The following JMJD1C variants were observed in gnomAD, a reference collection of about 807,000 sequenced individuals.
The protein encoded by JMJD1C is jumonji domain containing 1C.
In JMJD1C, 31 loss-of-function variants were observed where a neutral mutation model predicts 245.3. The observed-to-expected ratio is 0.13, with a 90% confidence interval of 0.09 to 0.17. The LOEUF (loss-of-function observed/expected upper bound fraction) is 0.17. Ranked by LOEUF, JMJD1C falls within the 10% of genes least tolerant of loss-of-function variation. JMJD1C has a pLI of 1.00. For missense variants in JMJD1C, 2,691 were observed against 3,000.2 expected, an observed-to-expected ratio of 0.90 and a Z score of 2.41; for synonymous variants, 1,057 against 1,017.4, an observed-to-expected ratio of 1.04 and a Z score of -0.74.
intron 2 of JMJD1C, among the ~76,000 whole-genome samples, chr10:63,361,728 A>T (rs199573748): frequency 4.4e-5 from 2 of 45,700 alleles, no homozygotes; most frequent in Admixed American, 1.6e-4. Context: ...CTAAAAAAAA[A>T]AAAAAAAAAA....
At chr10:63,201,214 C>T (rs1471476636) in intron 10 of JMJD1C, among the ~76,000 whole-genome samples, 2 of 152,044 alleles carry the variant, frequency 1.3e-5, no homozygotes, top group African/African-American at 4.8e-5. Flanking sequence ...TTTTATAAAA[C>T]CTGTATTTGG....
At chr10:63,322,887 G>A (rs1941070452) in intron 2 of JMJD1C, among the ~76,000 whole-genome samples, 1 of 146,970 alleles carries the variant, frequency 6.8e-6, no homozygotes, top group African/African-American at 2.5e-5. Context: ...TATATCAAAT[G>A]TTAATATTAA....
At chr10:63,333,355 G>C (rs1942364849) in intron 2 of JMJD1C, among the ~76,000 whole-genome samples, 1 of 152,094 alleles carries the variant, frequency 6.6e-6, no homozygotes, top group Non-Finnish European at 1.5e-5. Flanking sequence ...AGGAGTTGGA[G>C]AACAGCTCAG....
chr10:63,408,248 A>T (rs1371289782), intron 1 of JMJD1C, among the ~76,000 whole-genome samples: 1 of 151,984 alleles, frequency 6.6e-6, no homozygotes, highest in Non-Finnish European at 1.5e-5. Context: ...CTAAAAATAC[A>T]AAAAATTAGC....
intron 1 of JMJD1C, among the ~76,000 whole-genome samples, chr10:63,482,746 ATC>A (rs756091522): frequency 3.1e-4 from 47 of 152,140 alleles, no homozygotes; most frequent in Admixed American, 2.8e-3. Flanking sequence ...AAATCACTTG[ATC>A]TCTCTGTGCT....
chr10:63,433,586 CTTTTT>C (rs539696706), intron 1 of JMJD1C, among the ~76,000 whole-genome samples: 2,967 of 86,820 alleles, frequency 0.034, 88 homozygotes, highest in African/African-American at 0.086. Context: ...CTTTTCTTTT[CTTTTT>C]TTTTTTTTTT....
At chr10:63,507,287 T>C (rs1954747385) in intron 1 of JMJD1C, among the ~76,000 whole-genome samples, 1 of 152,152 alleles carries the variant, frequency 6.6e-6, no homozygotes, top group South Asian at 2.1e-4. Flanking sequence ...AGAAGCATGA[T>C]TGCTGGGTTA....
intron 2 of JMJD1C, among the ~76,000 whole-genome samples, chr10:63,267,554 C>G (rs576461793): frequency 6.6e-6 from 1 of 152,030 alleles, no homozygotes; most frequent in Non-Finnish European, 1.5e-5. Context: ...ATATATCATT[C>G]TATGAGTAAC....
At chr10:63,315,099 G>A (rs1939793248) in intron 2 of JMJD1C, among the ~76,000 whole-genome samples, 1 of 152,056 alleles carries the variant, frequency 6.6e-6, no homozygotes, top group Non-Finnish European at 1.5e-5. Context: ...GATTACAGGT[G>A]CGTGCCACCA....
chr10:63,497,603 C>T (rs34044188), intron 1 of JMJD1C, among the ~76,000 whole-genome samples: 4,003 of 152,266 alleles, frequency 0.026, 70 homozygotes, highest in Non-Finnish European at 0.044. Context: ...AAAAACCATA[C>T]AACTGTGTAC....
At chr10:63,265,982 G>A (rs910410371) in intron 2 of JMJD1C, among the ~76,000 whole-genome samples, 1 of 152,010 alleles carries the variant, frequency 6.6e-6, no homozygotes, top group African/African-American at 2.4e-5. Flanking sequence ...GGCTTTTAAG[G>A]AGTTAATTTC....
chr10:63,357,822 G>GAC (rs1344672220), intron 2 of JMJD1C, among the ~76,000 whole-genome samples: 159 of 70,786 alleles, frequency 2.2e-3, no homozygotes, highest in African/African-American at 6.9e-3. Flanking sequence ...GACACAGACA[G>GAC]ACAGACACAC....
chr10:63,307,354 A>G (rs1190184891), intron 2 of JMJD1C, among the ~76,000 whole-genome samples: 2 of 152,228 alleles, frequency 1.3e-5, no homozygotes, highest in Non-Finnish European at 2.9e-5. Context: ...ATTAAAAATA[A>G]GGCGGACAAT....
intron 1 of JMJD1C, among the ~76,000 whole-genome samples, chr10:63,425,598 A>G (rs1207124072): frequency 6.6e-6 from 1 of 152,050 alleles, no homozygotes; most frequent in Non-Finnish European, 1.5e-5. Flanking sequence ...GGTGGGTAAC[A>G]TGGCGAGATC....
Position 63,207,322 on chromosome 10 carries a change from C to G in JMJD1C, c.4347G>C (p.Lys1449Asn). ...ATGTAACTGGTGCTGTGGTGCTGAC[C>G]TTGCATTCTTGTTTTTGAGCCACTG... is the stretch of plus-strand genomic sequence containing the variant. ...SQPVAQKQEC[K>N]VSTTAPVTLA... The change falls in exon 10 of 26, where the codon AAG becomes AAC. Residue 1449 changes from lysine to asparagine, a missense_variant. Coordinates refer to ENST00000399262, the MANE Select transcript of JMJD1C (RefSeq NM_032776.3). 2 of 1,613,522 alleles carry G rather than the reference C, an allele frequency of 1.2e-6. No homozygotes were observed. The highest frequency in any genetic ancestry group is 1.7e-6 in the Non-Finnish European group (2 of 1,180,000).
chr10:63,260,744 C>T (rs1344451743), intron 3 of JMJD1C, among the ~76,000 whole-genome samples: 1 of 36,952 alleles, frequency 2.7e-5, no homozygotes, highest in Non-Finnish European at 5.6e-5. Context: ...CGCCCGCCAC[C>T]ACGCCGGTTA....
At chr10:63,390,176 AAT>A (rs1442704394) in intron 1 of JMJD1C, among the ~76,000 whole-genome samples, 3 of 152,168 alleles carry the variant, frequency 2.0e-5, no homozygotes, top group African/African-American at 7.2e-5. Context: ...AAATAAACAA[AAT>A]CAGAAACGAA....
intron 3 of JMJD1C, among the ~76,000 whole-genome samples, chr10:63,224,427 C>T (rs1221782196): frequency 6.6e-6 from 1 of 152,164 alleles, no homozygotes; most frequent in Non-Finnish European, 1.5e-5. Context: ...AATGCACTGC[C>T]TGATTTATGA....
chr10:63,445,915 A>T lies in JMJD1C; in HGVS notation c.168+19580T>A, dbSNP rs186151515. Among the ~76,000 whole-genome samples the T allele has an allele frequency of 3.9e-3, 445 of 114,302 alleles. 2 individuals carry two copies. The highest frequency in any genetic ancestry group is 0.015 in the African/African-American group (432 of 29,080). The allele number at this position is 114,302 out of a possible 152,430, so 75.0% of individuals were successfully genotyped here. On this transcript the variant is annotated intron_variant, in intron 1 of 25. Coordinates refer to ENST00000399262, the MANE Select transcript of JMJD1C (RefSeq NM_032776.3). ...TTCCAGACAGAGTCTCACTCTGGTTACCTAGGCTGGAGTGCAGTGGTGTGA... is the reference window on the plus strand; with the variant it reads ...TTCCAGACAGAGTCTCACTCTGGTTTCCTAGGCTGGAGTGCAGTGGTGTGA...
Sources: gnomAD v4.1 joint callset for allele counts (sites outside exome capture counted in the v4.1 genomes callset) on GRCh38, gnomAD v4.1.1 for gene constraint, MANE v1.5 for transcripts, NCBI Gene and HGNC (gene_info 2026-07-23, HGNC 2026-07-21) for gene names.